Variants in FRMD4A observed in about 807,000 individuals in gnomAD.
FRMD4A encodes FERM domain containing 4A, also known as FERM domain-containing protein 4A.
A neutral mutation model predicts 129.1 loss-of-function variants in FRMD4A; 29 were observed. The observed-to-expected ratio is 0.22, with a 90% CI of 0.17 to 0.31. FRMD4A has a LOEUF of 0.31. Among genes scored for constraint, FRMD4A ranks in the 10% least tolerant of loss-of-function variants. FRMD4A has a pLI of 1.00. For missense variants in FRMD4A, 1,272 were observed against 1,375.8 expected, an observed-to-expected ratio of 0.92 and a Z score of 1.19; for synonymous variants, 634 against 571.6, an observed-to-expected ratio of 1.11 and a Z score of -1.56.
intron 2 of FRMD4A, among the ~76,000 whole-genome samples, chr10:14,047,197 A>G (rs1230071937): frequency 2.0e-5 from 3 of 152,176 alleles, no homozygotes; most frequent in Non-Finnish European, 2.9e-5. Flanking sequence ...GCTTCATTTT[A>G]CCGTCTCTAT....
At chr10:13,850,998 T>C (rs1016210742) in intron 3 of FRMD4A, among the ~76,000 whole-genome samples, 1 of 152,128 alleles carries the variant, frequency 6.6e-6, no homozygotes, top group African/African-American at 2.4e-5. Flanking sequence ...GTGGATCACC[T>C]GAGATCAGGA....
chr10:14,053,400 G>T (rs1439816400), intron 2 of FRMD4A, among the ~76,000 whole-genome samples: 1 of 152,118 alleles, frequency 6.6e-6, no homozygotes, highest in South Asian at 2.1e-4. Context: ...GGGGCACCTT[G>T]TGCAGCCTGA....
At position 13,782,422 on chromosome 10, in the gene FRMD4A, C is replaced by CATT. The variant is rs34523427; in HGVS notation, c.384+497_384+499dup. Among the ~76,000 whole-genome samples, 472 of 146,382 alleles carry CATT rather than the reference C, an allele frequency of 3.2e-3. 5 individuals are homozygous for CATT. The highest frequency in any genetic ancestry group is 0.011 in the Middle Eastern group (3 of 284). On this transcript the variant is annotated intron_variant, in intron 6 of 24. Coordinates refer to ENST00000357447, the MANE Select transcript of FRMD4A (RefSeq NM_018027.5). ...ACACAGCCATGGATCAAAGGAATCA[C>CATT]ATTATTATTATTATTATTATTATTC...
At chr10:14,012,715 G>A (rs1870745) in intron 2 of FRMD4A, among the ~76,000 whole-genome samples, 44,990 of 152,004 alleles carry the variant, frequency 0.3, 8,640 homozygotes, top group African/African-American at 0.55. Context: ...GTGCTGGCAC[G>A]GACATGCAGC....
chr10:14,303,931 T>C (rs990498375), intron 2 of FRMD4A, among the ~76,000 whole-genome samples: 1 of 152,230 alleles, frequency 6.6e-6, no homozygotes, highest in African/African-American at 2.4e-5. Flanking sequence ...ATAATGTTGT[T>C]AAGGTTCATC....
At chr10:14,065,698 A>C (rs1835023222) in intron 2 of FRMD4A, among the ~76,000 whole-genome samples, 1 of 152,240 alleles carries the variant, frequency 6.6e-6, no homozygotes, top group African/African-American at 2.4e-5. Context: ...GGGCTGATGT[A>C]ACCAAAATTA....
intron 2 of FRMD4A, chr10:14,326,362 A>G (rs1056419313): frequency 6.6e-6 from 1 of 152,320 alleles, no homozygotes; most frequent in Non-Finnish European, 1.5e-5. Context: ...ATGCTGTCAG[A>G]GAAAGCACTG....
chr10:14,061,062 G>GT (rs1470403908), intron 2 of FRMD4A, among the ~76,000 whole-genome samples: 6 of 152,086 alleles, frequency 3.9e-5, no homozygotes, highest in Non-Finnish European at 7.4e-5. Flanking sequence ...TAATCAAGTA[G>GT]TTTTACAAAA....
chr10:13,852,844 G>T (rs1564913409), intron 3 of FRMD4A, among the ~76,000 whole-genome samples: 2 of 152,114 alleles, frequency 1.3e-5, no homozygotes, highest in Non-Finnish European at 2.9e-5. Flanking sequence ...ACGAGGTGCA[G>T]CTTAGATCTT....
chr10:13,659,796 C>T (rs1258804817), intron 20 of FRMD4A, among the ~76,000 whole-genome samples: 1 of 152,072 alleles, frequency 6.6e-6, no homozygotes, highest in African/African-American at 2.4e-5. Context: ...CTGGCACCCC[C>T]CTTGGAGCTT....
intron 2 of FRMD4A, among the ~76,000 whole-genome samples, chr10:14,149,740 G>T (rs1335061387): frequency 1.3e-5 from 2 of 152,198 alleles, no homozygotes; most frequent in African/African-American, 4.8e-5. Flanking sequence ...CCTCAGGAAA[G>T]GTGGGAGATG....
At chr10:13,813,678 G>A (rs2093487453) in intron 3 of FRMD4A, among the ~76,000 whole-genome samples, 1 of 152,188 alleles carries the variant, frequency 6.6e-6, no homozygotes, top group Non-Finnish European at 1.5e-5. Context: ...AGTGTTGAAT[G>A]GCTCATGTAC....
At chr10:13,876,055 A>G (rs2094486282) in intron 2 of FRMD4A, among the ~76,000 whole-genome samples, 1 of 152,260 alleles carries the variant, frequency 6.6e-6, no homozygotes, top group South Asian at 2.1e-4. Flanking sequence ...ATTGCTCAAA[A>G]TGGAATGGGT....
rs559657039 is a variant in FRMD4A at position 13,783,006 on chromosome 10, C to T, written c.300G>A (p.Arg100=). The T allele has an allele frequency of 1.4e-5, 18 of 1,260,226 alleles. No homozygotes were observed. Among genetic ancestry groups the T allele is most frequent in the East Asian group, 2.3e-5 (1 of 43,338 alleles). The allele number at this position is 1,260,226 out of a possible 1,614,324, so 78.1% of individuals were successfully genotyped here. ...GGTATGAAATGCTTTCTATATAGAACCTGAAAGAGAAAAATGGTGCGTGAA... is the reference window on the plus strand; with the variant it reads ...GGTATGAAATGCTTTCTATATAGAATCTGAAAGAGAAAAATGGTGCGTGAA... ...SGPVVLYFCV[R]FYIESISYLK... The change falls in exon 6 of 25, where the codon AGG becomes AGA. Residue 100 remains arginine (R), a splice_region_variant and synonymous_variant. Transcript: ENST00000357447.
intron 2 of FRMD4A, among the ~76,000 whole-genome samples, chr10:14,207,027 C>T (rs1589166486): frequency 6.6e-6 from 1 of 151,746 alleles, no homozygotes; most frequent in African/African-American, 2.4e-5. Flanking sequence ...AGACTTCTGC[C>T]CAAGGATGGT....
At chr10:13,725,698 C>T (rs1484800018) in intron 12 of FRMD4A, among the ~76,000 whole-genome samples, 4 of 152,156 alleles carry the variant, frequency 2.6e-5, no homozygotes, top group East Asian at 1.9e-4. Context: ...CTGTGGGAAC[C>T]GAGGAACCCT....
intron 2 of FRMD4A, among the ~76,000 whole-genome samples, chr10:14,015,427 ACTCT>A (rs1363513232): frequency 8.0e-6 from 1 of 125,124 alleles, no homozygotes; most frequent in East Asian, 2.3e-4. Context: ...CCCTTCCTTG[ACTCT>A]CTCTTCCTTC....
chr10:14,185,519 T>G (rs1032966174), intron 2 of FRMD4A, among the ~76,000 whole-genome samples: 1 of 149,458 alleles, frequency 6.7e-6, no homozygotes, highest in Non-Finnish European at 1.5e-5. Flanking sequence ...TTTGGAGGTT[T>G]GTTGTAGAAC....
At chr10:13,928,015 CCTTTT>C (rs56674583) in intron 2 of FRMD4A, among the ~76,000 whole-genome samples, 8,473 of 101,832 alleles carry the variant, frequency 0.083, 346 homozygotes, top group African/African-American at 0.16. Context: ...ACTTAACATA[CCTTTT>C]TTTTTTTTTT....
Sources: gnomAD v4.1 joint callset for allele counts (sites outside exome capture counted in the v4.1 genomes callset) on GRCh38, gnomAD v4.1.1 for gene constraint, MANE v1.5 for transcripts, NCBI Gene and HGNC (gene_info 2026-07-23, HGNC 2026-07-21) for gene names.